The following EYA4 variants were observed in gnomAD, a reference collection of about 807,000 sequenced individuals.
The protein encoded by EYA4 is EYA transcriptional coactivator and phosphatase 4.
A neutral mutation model predicts 87.9 loss-of-function variants in EYA4; 31 were observed. That is an observed-to-expected ratio of 0.35 (90% confidence interval 0.27 to 0.48). The LOEUF is 0.48. Ranked by LOEUF, EYA4 falls within the 20% of genes least tolerant of loss-of-function variation. The probability of loss-of-function intolerance (pLI) is 0.99; values close to 1 mark genes in which losing one functional copy is unlikely to be tolerated. For synonymous variants in EYA4, 263 were observed against 270.6 expected, an observed-to-expected ratio of 0.97 and a Z score of 0.28; for missense variants, 678 against 761.4, an observed-to-expected ratio of 0.89 and a Z score of 1.29.
intron 3 of EYA4, among the ~76,000 whole-genome samples, chr6:133,398,019 T>G (rs1233772829): frequency 6.6e-6 from 1 of 152,180 alleles, no homozygotes; most frequent in Non-Finnish European, 1.5e-5. Flanking sequence ...GTGTGTCTTT[T>G]CCCCTATGGC....
chr6:133,420,721 T>A (rs1203566645), intron 3 of EYA4, among the ~76,000 whole-genome samples: 1 of 152,252 alleles, frequency 6.6e-6, no homozygotes, highest in Non-Finnish European at 1.5e-5. Flanking sequence ...GCTAAACTTG[T>A]GGTGTGCCCA....
At chr6:133,437,660 C>T (rs981381922) in intron 3 of EYA4, among the ~76,000 whole-genome samples, 1 of 152,134 alleles carries the variant, frequency 6.6e-6, no homozygotes, top group Admixed American at 6.5e-5. Flanking sequence ...TTCCGCATGG[C>T]TGGGGAGGCT....
chr6:133,391,222 G>GTTTTTTTTTTTTTTTTTTTTTTTTT (rs531819011), intron 3 of EYA4, among the ~76,000 whole-genome samples: 7 of 89,828 alleles, frequency 7.8e-5, no homozygotes, highest in African/African-American at 2.3e-4. Flanking sequence ...TTTTGTTTTT[G>GTTTTTTTTTTTTTTTTTTTTTTTTT]TTTTTTTTTT....
At chr6:133,452,271 T>C (rs1018553723) in intron 5 of EYA4, among the ~76,000 whole-genome samples, 4 of 152,172 alleles carry the variant, frequency 2.6e-5, no homozygotes, top group Non-Finnish European at 4.4e-5. Context: ...TGGAATTACA[T>C]ATATGTAGTT....
rs149680501 is a variant in EYA4 at position 133,353,718 on chromosome 6, A to T, written c.34-28674A>T. 9.8e-3 allele frequency among the ~76,000 whole-genome samples: 1,485 copies of T among 152,282 alleles called. 23 individuals carry two copies. Among genetic ancestry groups the T allele is most frequent in the African/African-American group, 0.033 (1,361 of 41,578 alleles). ...AGACTTAGCCAAACACATCCTCTTG[A>T]AAGTGAAAGCTGCAGGCTTATCTAA... is the stretch of plus-strand genomic sequence containing the variant. On this transcript the variant is annotated intron_variant, in intron 2 of 19. Transcript: ENST00000355286.
At chr6:133,279,826 G>A (rs567578559) in intron 2 of EYA4, among the ~76,000 whole-genome samples, 1 of 152,126 alleles carries the variant, frequency 6.6e-6, no homozygotes, top group Non-Finnish European at 1.5e-5. Flanking sequence ...GTATAGAATT[G>A]AATTTGCCAT....
At chr6:133,450,463 C>T (rs554874416) in intron 5 of EYA4, among the ~76,000 whole-genome samples, 1 of 152,264 alleles carries the variant, frequency 6.6e-6, no homozygotes, top group South Asian at 2.1e-4. Context: ...AATTTAATAG[C>T]TTTTCAAGAT....
intron 3 of EYA4, among the ~76,000 whole-genome samples, chr6:133,404,887 C>G (rs753488790): frequency 6.6e-6 from 1 of 152,342 alleles, no homozygotes; most frequent in Middle Eastern, 3.4e-3. Context: ...AACCCTAATT[C>G]CCTGTTCACT....
At chr6:133,312,830 C>T (rs1173471394) in intron 2 of EYA4, among the ~76,000 whole-genome samples, 2 of 142,022 alleles carry the variant, frequency 1.4e-5, no homozygotes, top group African/African-American at 5.0e-5. Flanking sequence ...TTCTTACCAC[C>T]CTTCTCATTT....
chr6:133,444,468 T>G (rs1792603201), intron 3 of EYA4, among the ~76,000 whole-genome samples: 1 of 152,104 alleles, frequency 6.6e-6, no homozygotes, highest in Admixed American at 6.5e-5. Context: ...CTGCAGGAGT[T>G]TATTTGGGTT....
At chr6:133,343,081 A>G (rs1350520560) in intron 2 of EYA4, among the ~76,000 whole-genome samples, 3 of 152,040 alleles carry the variant, frequency 2.0e-5, no homozygotes, top group African/African-American at 7.2e-5. Flanking sequence ...GGTGGCAACC[A>G]TTTCTTTCAA....
chr6:133,290,853 A>G (rs1276193116), intron 2 of EYA4, among the ~76,000 whole-genome samples: 1 of 152,194 alleles, frequency 6.6e-6, no homozygotes, highest in Admixed American at 6.5e-5. Context: ...CAAATTTGAA[A>G]GCATACTTTT....
chr6:133,337,667 A>G (rs2094198), intron 2 of EYA4, among the ~76,000 whole-genome samples: 10,392 of 152,306 alleles, frequency 0.068, 703 homozygotes, highest in African/African-American at 0.18. Context: ...AATTTGATAC[A>G]CATCTCTAAT....
intron 14 of EYA4, among the ~76,000 whole-genome samples, chr6:133,511,000 C>T (rs976642890): frequency 6.6e-6 from 1 of 152,154 alleles, no homozygotes; most frequent in Non-Finnish European, 1.5e-5. Flanking sequence ...TTTGGGGACC[C>T]ATACGTGTAG....
intron 14 of EYA4, among the ~76,000 whole-genome samples, chr6:133,508,512 AAG>A (rs1798849628): frequency 6.6e-6 from 1 of 152,276 alleles, no homozygotes; most frequent in Non-Finnish European, 1.5e-5. Flanking sequence ...AAAAAGAAAA[AAG>A]AAATTTTATG....
At chr6:133,420,963 G>A (rs946764297) in intron 3 of EYA4, among the ~76,000 whole-genome samples, 2 of 152,170 alleles carry the variant, frequency 1.3e-5, no homozygotes, top group African/African-American at 2.4e-5. Flanking sequence ...TCTGTCATAC[G>A]TTTCTTTTCA....
intron 3 of EYA4, among the ~76,000 whole-genome samples, chr6:133,408,734 T>C (rs572841341): frequency 6.6e-6 from 1 of 152,178 alleles, no homozygotes; most frequent in African/African-American, 2.4e-5. Flanking sequence ...GGACAGTGCC[T>C]GGCGCGACTA....
At chr6:133,272,747 T>C (rs996752032) in intron 1 of EYA4, among the ~76,000 whole-genome samples, 1 of 152,192 alleles carries the variant, frequency 6.6e-6, no homozygotes. Context: ...ATGGCCCAAG[T>C]GGCAGAACAG....
intron 9 of EYA4, among the ~76,000 whole-genome samples, chr6:133,463,962 A>T (rs1287538144): frequency 1.4e-5 from 2 of 146,380 alleles, no homozygotes; most frequent in Non-Finnish European, 3.0e-5. Flanking sequence ...GACAGACAGT[A>T]TTTTTTTTTT....
Sources: gnomAD v4.1 joint callset for allele counts (sites outside exome capture counted in the v4.1 genomes callset) on GRCh38, gnomAD v4.1.1 for gene constraint, MANE v1.5 for transcripts, NCBI Gene and HGNC (gene_info 2026-07-23, HGNC 2026-07-21) for gene names.